Variants in FLT3 observed in about 807,000 individuals in gnomAD.
The protein encoded by FLT3 is receptor-type tyrosine-protein kinase FLT3.
In FLT3, 46 loss-of-function variants were observed where a neutral mutation model predicts 126.6. The ratio of observed to expected loss-of-function variants is 0.36; its 90% CI spans 0.29 to 0.46. The LOEUF is 0.46. FLT3 is among the 20% of genes least tolerant of loss of function. The probability of loss-of-function intolerance (pLI) is 1.00; values close to 1 mark genes in which losing one functional copy is unlikely to be tolerated. For synonymous variants in FLT3, 404 were observed against 434.4 expected (o/e 0.93, Z 0.87); for missense variants, 1,069 against 1,190.3 (o/e 0.90, Z 1.50).
chr13:28,011,900 C>T (rs1447787985), intron 23 of FLT3, among the ~76,000 whole-genome samples: 3 of 151,956 alleles, frequency 2.0e-5, no homozygotes, highest in African/African-American at 4.8e-5. Flanking sequence ...CAGGTTCAAG[C>T]GATTCTTCTG....
intron 12 of FLT3, among the ~76,000 whole-genome samples, chr13:28,034,988 C>T (rs1221497654): frequency 6.6e-6 from 1 of 151,646 alleles, no homozygotes; most frequent in African/African-American, 2.4e-5. Context: ...ATGTACAAGT[C>T]AGAGAAAAAA....
At chr13:28,010,354 A>C (rs1871252229) in intron 23 of FLT3, among the ~76,000 whole-genome samples, 1 of 152,190 alleles carries the variant, frequency 6.6e-6, no homozygotes, top group South Asian at 2.1e-4. Flanking sequence ...CATAATATAA[A>C]GTCATCCTAC....
chr13:28,036,188 T>A, intron 10 of FLT3, 145 bp from the exon 11 acceptor site: 2 of 654,604 alleles, frequency 3.1e-6, no homozygotes, highest in Non-Finnish European at 5.4e-6. Context: ...CAAGACCCTG[T>A]CTCTGAAAAT....
At chr13:28,019,657 T>C (rs1161300673) in intron 19 of FLT3, among the ~76,000 whole-genome samples, 1 of 152,072 alleles carries the variant, frequency 6.6e-6, no homozygotes, top group African/African-American at 2.4e-5. Flanking sequence ...ACCTGCCTCC[T>C]CCTCCTGCCT....
At chr13:28,027,658 A>G (rs1054026893) in intron 16 of FLT3, among the ~76,000 whole-genome samples, 22 of 152,142 alleles carry the variant, frequency 1.4e-4, no homozygotes, top group African/African-American at 4.6e-4. Flanking sequence ...TTCTTTTAGT[A>G]CCAGCCCCAG....
intron 17 of FLT3, chr13:28,025,484 C>A: frequency 2.6e-6 from 1 of 382,038 alleles, no homozygotes. Flanking sequence ...CCCTGAGGAG[C>A]TCTGTAGGAA....
intron 15 of FLT3, among the ~76,000 whole-genome samples, chr13:28,029,668 T>C (rs1388532951): frequency 6.6e-6 from 1 of 152,226 alleles, no homozygotes; most frequent in Non-Finnish European, 1.5e-5. Flanking sequence ...CTCTAGCCTG[T>C]GGCCCTCAGG....
At chr13:28,020,488 T>C (rs950107123) in intron 19 of FLT3, among the ~76,000 whole-genome samples, 2 of 152,104 alleles carry the variant, frequency 1.3e-5, no homozygotes, top group Non-Finnish European at 2.9e-5. Context: ...GCTGGGATTA[T>C]AGGCGTACAC....
chr13:28,021,036 C>T (rs1457224027), intron 19 of FLT3, among the ~76,000 whole-genome samples: 2 of 152,134 alleles, frequency 1.3e-5, no homozygotes, highest in African/African-American at 4.8e-5. Context: ...TGAGTATTTA[C>T]TTAGCTATGG....
chr13:28,025,465 A>G (rs889832204), intron 17 of FLT3: 3 of 424,220 alleles, frequency 7.1e-6, no homozygotes, highest in Non-Finnish European at 1.4e-5. Flanking sequence ...AAGGTATATA[A>G]AAATTCTTCC....
At chr13:28,023,504 T>C in intron 18 of FLT3, 27 bp from the exon 19 acceptor site, 2 of 1,610,016 alleles carry the variant, frequency 1.2e-6, no homozygotes, top group South Asian at 2.2e-5. Context: ...GTCTTCACTT[T>C]TGCCAAAACT....
chr13:28,071,998 G>T (rs898607048), intron 1 of FLT3, among the ~76,000 whole-genome samples: 1 of 151,792 alleles, frequency 6.6e-6, no homozygotes, highest in Admixed American at 6.6e-5. Context: ...AGCTCTCAAA[G>T]TTTTACTTTC....
chr13:28,090,030 T>C (rs1173141769), intron 1 of FLT3, among the ~76,000 whole-genome samples: 1 of 151,758 alleles, frequency 6.6e-6, no homozygotes, highest in African/African-American at 2.4e-5. Flanking sequence ...CGTGAGCTAC[T>C]GCGCCCCGCC....
chr13:28,067,125 C>T (rs895774564), intron 2 of FLT3, among the ~76,000 whole-genome samples: 29 of 152,308 alleles, frequency 1.9e-4, no homozygotes, highest in African/African-American at 6.0e-4. Context: ...GGGGTTCAAG[C>T]GATTCTCCTG....
intron 1 of FLT3, among the ~76,000 whole-genome samples, chr13:28,081,844 C>CTTTTTTTTTTTTTTTTTTTTTTTTTTTT (rs35243277): frequency 1.5e-5 from 1 of 64,974 alleles, no homozygotes; most frequent in Non-Finnish European, 2.7e-5. Flanking sequence ...TACTTTGATT[C>CTTTTTTTTTTTTTTTTTTTTTTTTTTTT]TTTTTTTTTT....
intron 1 of FLT3, among the ~76,000 whole-genome samples, chr13:28,086,696 G>A (rs1010379516): frequency 6.6e-6 from 1 of 150,610 alleles, no homozygotes. Context: ...ACTCACACTG[G>A]AGTGCAGTGG....
At chr13:28,095,352 T>C (rs1879385970) in intron 1 of FLT3, among the ~76,000 whole-genome samples, 1 of 152,162 alleles carries the variant, frequency 6.6e-6, no homozygotes, top group Non-Finnish European at 1.5e-5. Flanking sequence ...CTCGGCTCAC[T>C]GCAACCTCCA....
intron 9 of FLT3, among the ~76,000 whole-genome samples, chr13:28,046,230 T>C (rs556905883): frequency 1.2e-4 from 19 of 152,268 alleles, no homozygotes; most frequent in Middle Eastern, 3.4e-3. Flanking sequence ...GCTCTGAACA[T>C]TGGGGGGTTT....
At chr13:28,046,961 G>C (rs1251142013) in intron 9 of FLT3, among the ~76,000 whole-genome samples, 1 of 151,924 alleles carries the variant, frequency 6.6e-6, no homozygotes, top group Non-Finnish European at 1.5e-5. Flanking sequence ...AAAATCTAGT[G>C]TGTATTTTAC....
Sources: allele counts gnomAD v4.1 joint callset (sites outside exome capture counted in the v4.1 genomes callset), GRCh38; gene constraint gnomAD v4.1.1; transcripts MANE v1.5; gene names NCBI Gene and HGNC (gene_info 2026-07-23, HGNC 2026-07-21).